Variants in CACNB4 observed in about 807,000 individuals in gnomAD.
CACNB4 encodes calcium voltage-gated channel auxiliary subunit beta 4.
Under a neutral mutation model 71.2 loss-of-function variants are expected in CACNB4, and 32 were observed. The observed-to-expected ratio is 0.45, with a 90% CI of 0.34 to 0.60. The LOEUF is 0.60. Ranked by LOEUF, CACNB4 falls within the 20% of genes least tolerant of loss-of-function variation. CACNB4 has a pLI of 0.01. For missense variants in CACNB4, 464 were observed against 647.9 expected (o/e 0.72, Z 3.08); for synonymous variants, 231 against 236.9 (o/e 0.97, Z 0.23).
intron 2 of CACNB4, among the ~76,000 whole-genome samples, chr2:151,964,502 C>T (rs2099870546): frequency 6.6e-6 from 1 of 152,030 alleles, no homozygotes; most frequent in Non-Finnish European, 1.5e-5. Context: ...AAGATTTTTC[C>T]CCCAAATATT....
chr2:151,899,689 C>T (rs1245627838), intron 2 of CACNB4, among the ~76,000 whole-genome samples: 3 of 152,102 alleles, frequency 2.0e-5, no homozygotes, highest in Admixed American at 1.3e-4. Context: ...GAGGACAGGG[C>T]GGGTAAGTGG....
Position 152,098,968 on chromosome 2 carries a change from G to A in CACNB4, c.44C>T (p.Pro15Leu). 1 of 1,529,070 alleles carries A rather than the reference G, an allele frequency of 6.5e-7. No individual in the cohort carries two copies. The highest frequency in any genetic ancestry group is 1.2e-5 in the South Asian group (1 of 80,978). 94.7% of individuals were successfully genotyped at this position (1,529,070 alleles called of 1,614,324 possible). Residue 15 changes from proline (P) to leucine (L), a missense_variant, in exon 1 of 14, where the codon CCG becomes CTG. By Grantham distance (98) the Pro-to-Leu change is moderately conservative. This residue lies in a region of CACNB4 where 50 missense variants were observed against 47.5 expected (regional missense o/e 1.05). Coordinates refer to ENST00000539935, the MANE Select transcript of CACNB4 (RefSeq NM_000726.5). This position sits in a 1 kb window ranked among gnomAD's most constrained non-coding sequence, Gnocchi z 5.3. The part of the protein sequence containing the change: ...SYAKNGTADG[P>L]HSPTSQVARG... ...CGGTACCTGCGAGGTGGGGGAGTGC[G>A]GCCCGTCCGCGGTCCCGTTCTTGGC...
chr2:151,983,223 ACT>A (rs1458708779), intron 2 of CACNB4, among the ~76,000 whole-genome samples: 2 of 152,218 alleles, frequency 1.3e-5, no homozygotes, highest in Non-Finnish European at 2.9e-5. Flanking sequence ...AAAATCTTCA[ACT>A]CTATTGAGTT....
intron 2 of CACNB4, among the ~76,000 whole-genome samples, chr2:152,076,269 G>C (rs1687010227): frequency 6.8e-6 from 1 of 147,408 alleles, no homozygotes; most frequent in South Asian, 2.2e-4. Flanking sequence ...AGCCTCCCGA[G>C]TAGCTGAGAT....
chr2:151,920,318 CTT>C (rs10574154), intron 2 of CACNB4, among the ~76,000 whole-genome samples: 27,922 of 65,278 alleles, frequency 0.43, 5,370 homozygotes, highest in Middle Eastern at 0.57. Context: ...TCTTCTTCTT[CTT>C]TTTTTTTTTT....
At chr2:151,895,339 T>A (rs2099851789) in intron 2 of CACNB4, among the ~76,000 whole-genome samples, 1 of 152,140 alleles carries the variant, frequency 6.6e-6, no homozygotes. Flanking sequence ...CCATGGCACA[T>A]GCCTATAGTC....
At chr2:151,997,776 T>C (rs1682148279) in intron 2 of CACNB4, among the ~76,000 whole-genome samples, 1 of 152,136 alleles carries the variant, frequency 6.6e-6, no homozygotes, top group South Asian at 2.1e-4. Flanking sequence ...AAATGTGTGC[T>C]ATTTTACACC....
At chr2:151,864,070 A>C (rs1297579298) in intron 9 of CACNB4, among the ~76,000 whole-genome samples, 1 of 152,180 alleles carries the variant, frequency 6.6e-6, no homozygotes, top group Non-Finnish European at 1.5e-5. Context: ...TTTTTAACTT[A>C]AAGTGGTATC....
intron 2 of CACNB4, among the ~76,000 whole-genome samples, chr2:151,903,908 G>A (rs918116254): frequency 6.6e-6 from 1 of 152,124 alleles, no homozygotes; most frequent in Non-Finnish European, 1.5e-5. Flanking sequence ...GGCAGGTAGT[G>A]TATCTTTTTC....
At chr2:151,878,425 T>C (rs879591943) in intron 4 of CACNB4, among the ~76,000 whole-genome samples, 1 of 151,972 alleles carries the variant, frequency 6.6e-6, no homozygotes, top group Non-Finnish European at 1.5e-5. Flanking sequence ...TTGAAATAAA[T>C]GTAAATTGAG....
intron 2 of CACNB4, chr2:151,971,809 C>A (rs2099872626): frequency 5.3e-6 from 3 of 562,908 alleles, no homozygotes; most frequent in South Asian, 4.0e-5. Flanking sequence ...TCCCGCCCAC[C>A]TGAAAGCCTC....
At chr2:151,935,454 T>C (rs936179271) in intron 2 of CACNB4, among the ~76,000 whole-genome samples, 3 of 152,250 alleles carry the variant, frequency 2.0e-5, no homozygotes, top group Non-Finnish European at 4.4e-5. Flanking sequence ...TCATGTTGTC[T>C]CTGAATATGT....
chr2:152,070,162 G>A (rs1236151056), intron 2 of CACNB4, among the ~76,000 whole-genome samples: 1 of 152,034 alleles, frequency 6.6e-6, no homozygotes, highest in African/African-American at 2.4e-5. Flanking sequence ...AATATTTACA[G>A]CTAAACAAGC....
intron 2 of CACNB4, among the ~76,000 whole-genome samples, chr2:151,952,026 A>T (rs1416840754): frequency 6.6e-6 from 1 of 152,218 alleles, no homozygotes; most frequent in Non-Finnish European, 1.5e-5. Flanking sequence ...AGTTTCCTCA[A>T]CTGTAAAACA....
chr2:151,966,664 T>C (rs986434748), intron 2 of CACNB4, among the ~76,000 whole-genome samples: 2 of 152,184 alleles, frequency 1.3e-5, no homozygotes, highest in Non-Finnish European at 2.9e-5. Context: ...TGGGGATTAC[T>C]GAATTCTTTC....
intron 2 of CACNB4, among the ~76,000 whole-genome samples, chr2:151,957,325 A>G (rs1197511024): frequency 7.1e-6 from 1 of 141,668 alleles, no homozygotes; most frequent in Admixed American, 7.3e-5. Context: ...CTGATAAAAT[A>G]TATTGTGTTC....
intron 2 of CACNB4, among the ~76,000 whole-genome samples, chr2:152,076,498 T>G (rs1000032799): frequency 6.6e-6 from 1 of 152,010 alleles, no homozygotes; most frequent in Non-Finnish European, 1.5e-5. Flanking sequence ...GTCACTGTAG[T>G]TTGTGTTTGG....
At chr2:152,007,690 G>A (rs76096670) in intron 2 of CACNB4, among the ~76,000 whole-genome samples, 4,318 of 152,244 alleles carry the variant, frequency 0.028, 210 homozygotes, top group African/African-American at 0.098. Context: ...CAGTTGTACA[G>A]ATACCTGTTC....
chr2:152,094,225 C>T (rs917757402), intron 2 of CACNB4, among the ~76,000 whole-genome samples: 1 of 152,166 alleles, frequency 6.6e-6, no homozygotes, highest in Admixed American at 6.5e-5. Context: ...GAAGACTAAA[C>T]CCCCAGATCT....
Sources: gnomAD v4.1 joint callset for allele counts (sites outside exome capture counted in the v4.1 genomes callset) on GRCh38, gnomAD v4.1.1 for gene constraint, gnomAD v4.1.1 regional missense constraint, Gnocchi (gnomAD v3.1) non-coding constraint, MANE v1.5 for transcripts, NCBI Gene and HGNC (gene_info 2026-07-23, HGNC 2026-07-21) for gene names.